HS3ST5: variants seen among roughly 807,000 people sequenced by gnomAD.
HS3ST5 encodes heparan sulfate glucosamine 3-O-sulfotransferase 5.
Under a neutral mutation model 25.4 loss-of-function variants are expected in HS3ST5, and 10 were observed. That is an observed-to-expected ratio of 0.39 (90% CI 0.24 to 0.67). The LOEUF is 0.67. Ranked by LOEUF, HS3ST5 falls within the 30% of genes least tolerant of loss-of-function variation. HS3ST5 has a pLI of 0.44. For missense variants in HS3ST5, 324 were observed against 420.7 expected (o/e 0.77, Z 2.01); for synonymous variants, 170 against 162.4 (o/e 1.05, Z -0.36).
chr6:114,152,503 TTC>T (rs1160151946), intron 3 of HS3ST5, among the ~76,000 whole-genome samples: 2 of 152,170 alleles, frequency 1.3e-5, no homozygotes, highest in Admixed American at 1.3e-4. Flanking sequence ...TTAGAAATAA[TTC>T]TGTTACTACC....
At chr6:114,318,556 C>T (rs1326385607) in intron 1 of HS3ST5, among the ~76,000 whole-genome samples, 1 of 152,108 alleles carries the variant, frequency 6.6e-6, no homozygotes, top group Non-Finnish European at 1.5e-5. Context: ...TTTCCTATTT[C>T]TATGTACAAA....
intron 3 of HS3ST5, among the ~76,000 whole-genome samples, chr6:114,127,339 A>C (rs1777091969): frequency 1.3e-5 from 2 of 152,208 alleles, no homozygotes; most frequent in African/African-American, 4.8e-5. Flanking sequence ...CATGAAAATG[A>C]GTACTTGAGT....
At chr6:114,234,755 A>G (rs1458319773) in intron 1 of HS3ST5, among the ~76,000 whole-genome samples, 4 of 152,158 alleles carry the variant, frequency 2.6e-5, no homozygotes, top group Admixed American at 1.3e-4. Flanking sequence ...GTTTTATTTA[A>G]TAATTTCTGG....
chr6:114,144,510 G>C (rs1778060752), intron 3 of HS3ST5, among the ~76,000 whole-genome samples: 1 of 151,566 alleles, frequency 6.6e-6, no homozygotes, highest in African/African-American at 2.4e-5. Context: ...CTCTCCAAAA[G>C]TTCCTACCAT....
rs1376631265 is a variant in HS3ST5 at position 114,342,926 on chromosome 6, C to A, written c.-1070G>T. 2 of 152,420 alleles carry A rather than the reference C, an allele frequency of 1.3e-5. No homozygotes were observed. Among genetic ancestry groups the A allele is most frequent in the Admixed American group, 1.3e-4 (2 of 15,288 alleles). 9.4% of individuals were successfully genotyped at this position (152,420 alleles called of 1,614,324 possible). A position where few individuals can be genotyped will look rare whatever the true frequency, so the allele number is the denominator to read the frequency against. On this transcript the variant is annotated 5_prime_UTR_variant, in exon 1 of 5. Transcript: ENST00000312719. Reference sequence around the variant, plus strand: ...CCGGCAGCTGCCTCCCGGAGACGTGCCCAGCTGTGTGCGCGTGTGTGTGTC... The same window carrying A: ...CCGGCAGCTGCCTCCCGGAGACGTGACCAGCTGTGTGCGCGTGTGTGTGTC...
intron 1 of HS3ST5, among the ~76,000 whole-genome samples, chr6:114,270,000 C>A (rs1487209456): frequency 6.6e-6 from 1 of 152,144 alleles, no homozygotes; most frequent in African/African-American, 2.4e-5. Context: ...CAAATTGACC[C>A]TTCCAGTGCT....
chr6:114,133,400 G>A (rs1216040488), intron 3 of HS3ST5, among the ~76,000 whole-genome samples: 1 of 152,154 alleles, frequency 6.6e-6, no homozygotes, highest in Non-Finnish European at 1.5e-5. Context: ...GATAGTCCTT[G>A]CTCCTCTGTA....
chr6:114,250,773 T>C (rs1772623961), intron 1 of HS3ST5, among the ~76,000 whole-genome samples: 2 of 152,204 alleles, frequency 1.3e-5, no homozygotes, highest in South Asian at 4.1e-4. Flanking sequence ...AGTGAGATTA[T>C]TGGAAGGACA....
intron 3 of HS3ST5, among the ~76,000 whole-genome samples, chr6:114,134,385 T>C (rs1777491368): frequency 6.6e-6 from 1 of 152,194 alleles, no homozygotes; most frequent in African/African-American, 2.4e-5. Flanking sequence ...TTCTAACACT[T>C]AGCCATCTAT....
chr6:114,209,182 G>C (rs964192177), intron 2 of HS3ST5, among the ~76,000 whole-genome samples: 1 of 152,086 alleles, frequency 6.6e-6, no homozygotes, highest in Admixed American at 6.6e-5. Context: ...TGCATTGCCA[G>C]TGAGACTGTA....
intron 3 of HS3ST5, among the ~76,000 whole-genome samples, chr6:114,164,994 C>T (rs1183562029): frequency 1.3e-5 from 2 of 152,150 alleles, no homozygotes; most frequent in Non-Finnish European, 2.9e-5. Context: ...CTCTGAAAAA[C>T]TGTTAAAGAG....
chr6:114,307,855 T>G (rs1030566872), intron 1 of HS3ST5, among the ~76,000 whole-genome samples: 1 of 152,010 alleles, frequency 6.6e-6, no homozygotes. Context: ...GTTTTTTGAT[T>G]GAAATGATTT....
At chr6:114,115,481 C>CCT (rs910478113) in intron 3 of HS3ST5, among the ~76,000 whole-genome samples, 1 of 152,008 alleles carries the variant, frequency 6.6e-6, no homozygotes, top group African/African-American at 2.4e-5. Flanking sequence ...ACATATCTGT[C>CCT]CTATCATTAT....
chr6:114,124,556 A>G (rs1314355691), intron 3 of HS3ST5, among the ~76,000 whole-genome samples: 3 of 151,114 alleles, frequency 2.0e-5, no homozygotes, highest in Non-Finnish European at 4.4e-5. Flanking sequence ...TTTTGGAAAT[A>G]TCCTAGTTTA....
chr6:114,086,556 A>T (rs1411262656), intron 3 of HS3ST5, among the ~76,000 whole-genome samples: 1 of 152,190 alleles, frequency 6.6e-6, no homozygotes, highest in Non-Finnish European at 1.5e-5. Context: ...GCTTGATTTC[A>T]GCCTTGTGAG....
chr6:114,221,182 T>C (rs77659608), intron 2 of HS3ST5, among the ~76,000 whole-genome samples: 2,684 of 152,016 alleles, frequency 0.018, 41 homozygotes, highest in African/African-American at 0.043. Context: ...TCCAGCTCAA[T>C]CAGTCTGTGA....
At chr6:114,320,795 G>T (rs2114878292) in intron 1 of HS3ST5, among the ~76,000 whole-genome samples, 1 of 151,872 alleles carries the variant, frequency 6.6e-6, no homozygotes, top group South Asian at 2.1e-4. Flanking sequence ...AAACTAAACA[G>T]AAAACCATGA....
chr6:114,145,446 A>G (rs1562214644), intron 3 of HS3ST5, among the ~76,000 whole-genome samples: 1 of 152,178 alleles, frequency 6.6e-6, no homozygotes, highest in Non-Finnish European at 1.5e-5. Flanking sequence ...GGCAAGCCTG[A>G]AATGAAATGA....
In HS3ST5 at chr6:114,129,876, G is replaced by T. The variant is rs73767007; in HGVS notation, c.-33+38475C>A. On this transcript the variant is annotated intron_variant, in intron 3 of 4. Transcript: ENST00000312719. ...CAGATATTAAAGGTTCATATTATTAGATTTGATGTTTAGATCTGTGATAAA... is the reference window on the plus strand; with the variant it reads ...CAGATATTAAAGGTTCATATTATTATATTTGATGTTTAGATCTGTGATAAA... Among the ~76,000 whole-genome samples, 600 of 152,316 alleles carry T rather than the reference G, an allele frequency of 3.9e-3. 7 individuals are homozygous for T. Among genetic ancestry groups the T allele is most frequent in the African/African-American group, 0.014 (578 of 41,570 alleles).
Sources: allele counts gnomAD v4.1 joint callset (sites outside exome capture counted in the v4.1 genomes callset), GRCh38; gene constraint gnomAD v4.1.1; transcripts MANE v1.5; gene names NCBI Gene and HGNC (gene_info 2026-07-23, HGNC 2026-07-21).